MAP3K13: variants seen among roughly 807,000 people sequenced by gnomAD.
The protein encoded by MAP3K13 is leucine zipper-bearing kinase.
Under a neutral mutation model 104.0 loss-of-function variants are expected in MAP3K13, and 52 were observed. The ratio of observed to expected loss-of-function variants is 0.50; its 90% CI spans 0.40 to 0.63. The LOEUF (loss-of-function observed/expected upper bound fraction) is 0.63. Ranked by LOEUF, MAP3K13 falls within the 20% of genes least tolerant of loss-of-function variation. The pLI, the probability that MAP3K13 is intolerant of heterozygous loss-of-function variation, is 0.00. For missense variants in MAP3K13, 914 were observed against 1,218.5 expected (o/e 0.75, Z 3.72); for synonymous variants, 394 against 442.2 (o/e 0.89, Z 1.37).
chr3:185,477,908 G>C (rs1347823581), intron 12 of MAP3K13, among the ~76,000 whole-genome samples: 2 of 152,168 alleles, frequency 1.3e-5, no homozygotes. Flanking sequence ...ATGGCAGAGA[G>C]AGCTCTTCCT....
At chr3:185,317,532 G>A (rs1057202674) in intron 2 of MAP3K13, among the ~76,000 whole-genome samples, 11 of 152,144 alleles carry the variant, frequency 7.2e-5, no homozygotes, top group African/African-American at 2.7e-4. Flanking sequence ...CTTTTAGGTA[G>A]TTATACTAAG....
At position 185,407,819 on chromosome 3, in the gene MAP3K13, T is replaced by C. The variant is rs1310731119; in HGVS notation, c.-85-20678T>C. 2.6e-5 allele frequency among the ~76,000 whole-genome samples: 4 copies of C among 152,084 alleles called. No homozygotes were observed. The East Asian group carries it at 7.7e-4, about 29-fold the overall frequency. ...TTCATATAAATGGAATTATACAATA[T>C]GTAGCCTTTTGTCTTTGCTCATTTT... On this transcript the variant is annotated intron_variant, in intron 1 of 13. Transcript: ENST00000265026.
chr3:185,461,843 A>T (rs192488617), intron 7 of MAP3K13, among the ~76,000 whole-genome samples: 63 of 152,222 alleles, frequency 4.1e-4, no homozygotes, highest in Non-Finnish European at 8.2e-4. Context: ...AATTCCAGGC[A>T]TGAGCCACCA....
At chr3:185,449,112 C>T (rs1715746853) in intron 5 of MAP3K13, among the ~76,000 whole-genome samples, 2 of 152,220 alleles carry the variant, frequency 1.3e-5, no homozygotes, top group South Asian at 2.1e-4. Context: ...TGGCTCACAC[C>T]TGTAATTCCA....
intron 2 of MAP3K13, among the ~76,000 whole-genome samples, chr3:185,344,883 A>T (rs1297993076): frequency 2.0e-5 from 3 of 149,292 alleles, no homozygotes; most frequent in African/African-American, 5.0e-5. Context: ...TAATCTCATA[A>T]TTTATTTTTT....
At chr3:185,400,905 G>GTTTTTTTTTTTTTT (rs71164506) in intron 1 of MAP3K13, among the ~76,000 whole-genome samples, 62 of 107,242 alleles carry the variant, frequency 5.8e-4, no homozygotes, top group Non-Finnish European at 7.5e-4. Context: ...GTGTTTGTTT[G>GTTTTTTTTTTTTTT]TTTTTTTTTT....
At chr3:185,405,093 C>G (rs1377522483) in intron 1 of MAP3K13, among the ~76,000 whole-genome samples, 1 of 151,932 alleles carries the variant, frequency 6.6e-6, no homozygotes, top group East Asian at 1.9e-4. Context: ...TTTTTTTGCT[C>G]TAAGGCCAGC....
At chr3:185,378,796 C>A (rs1724563923) in intron 1 of MAP3K13, among the ~76,000 whole-genome samples, 1 of 152,082 alleles carries the variant, frequency 6.6e-6, no homozygotes, top group South Asian at 2.1e-4. Context: ...GCACCTCAGA[C>A]CATTTGCCCA....
In MAP3K13 at chr3:185,483,729, T is replaced by TG. The variant is rs1718593844; in HGVS notation, c.*1273_*1274insG. ...AGAAGTTCTTTTTTTTTTTTTTTTT[T>TG]TTGACAGAGTTTTGCTCTTTTTGCC... is the stretch of plus-strand genomic sequence containing the variant. On this transcript the variant is annotated 3_prime_UTR_variant, in exon 14 of 14. Transcript: ENST00000265026. The TG allele has an allele frequency of 1.9e-4, 9 of 48,072 alleles. No homozygotes were observed. Among genetic ancestry groups the TG allele is most frequent in the East Asian group, 5.2e-4 (2 of 3,812 alleles). 3.0% of individuals were successfully genotyped at this position (48,072 alleles called of 1,614,324 possible). A position where few individuals can be genotyped will look rare whatever the true frequency, so the allele number is the denominator to read the frequency against.
chr3:185,351,702 T>G (rs1313265480), intron 2 of MAP3K13, among the ~76,000 whole-genome samples: 1 of 152,244 alleles, frequency 6.6e-6, no homozygotes, highest in African/African-American at 2.4e-5. Flanking sequence ...AGCAATCATT[T>G]ACTTATCTCA....
At chr3:185,451,505 T>A in intron 7 of MAP3K13, 110 bp downstream of exon 7, 2 of 703,506 alleles carry the variant, frequency 2.8e-6, no homozygotes, top group East Asian at 5.1e-5. Flanking sequence ...GTTATATAAC[T>A]CCATTCATTG....
intron 1 of MAP3K13, among the ~76,000 whole-genome samples, chr3:185,369,693 T>C (rs1364378941): frequency 6.6e-6 from 1 of 152,228 alleles, no homozygotes; most frequent in Non-Finnish European, 1.5e-5. Flanking sequence ...TAAATTTCTT[T>C]TGCTTTTAAA....
At chr3:185,472,706 GTGCCTCA>G (rs1717875982) in intron 10 of MAP3K13, among the ~76,000 whole-genome samples, 1 of 152,114 alleles carries the variant, frequency 6.6e-6, no homozygotes, top group Non-Finnish European at 1.5e-5. Flanking sequence ...ATTGTTCTTA[GTGCCTCA>G]ATCTAGATCG....
At position 185,455,405 on chromosome 3, in the gene MAP3K13, T is replaced by G. The variant is rs1395782621; in HGVS notation, c.1278+4010T>G. 2.3e-5 allele frequency among the ~76,000 whole-genome samples: 2 copies of G among 85,138 alleles called. 1 individual carries two copies. The highest frequency in any genetic ancestry group is 4.5e-5 in the Non-Finnish European group (2 of 44,750). The allele number at this position is 85,138 out of a possible 152,430, so 55.9% of individuals were successfully genotyped here. A position where few individuals can be genotyped will look rare whatever the true frequency, so the allele number is the denominator to read the frequency against. ...TGATATATATATCATATATGAGATA[T>G]ATATATGAGATATATATGATATATA... On this transcript the variant is annotated intron_variant, in intron 7 of 13. Transcript: ENST00000265026.
intron 5 of MAP3K13, 54 bp downstream of exon 5, chr3:185,448,001 T>C (rs1392503281): frequency 1.9e-6 from 3 of 1,540,762 alleles, no homozygotes; most frequent in Non-Finnish European, 1.8e-6. Context: ...ACTTTCGCCC[T>C]ATTAGCACTG....
chr3:185,306,231 T>C (rs1721285602), intron 2 of MAP3K13, among the ~76,000 whole-genome samples: 1 of 152,250 alleles, frequency 6.6e-6, no homozygotes, highest in African/African-American at 2.4e-5. Flanking sequence ...TGAATAGTGC[T>C]GTGATGTACA....
At chr3:185,445,026 T>C (rs996579283) in intron 4 of MAP3K13, among the ~76,000 whole-genome samples, 9 of 47,964 alleles carry the variant, frequency 1.9e-4, no homozygotes, top group African/African-American at 2.9e-4. Context: ...TTATTGTATA[T>C]ACACACACAC....
intron 2 of MAP3K13, among the ~76,000 whole-genome samples, chr3:185,332,827 T>C (rs570071915): frequency 7.7e-4 from 117 of 152,374 alleles, no homozygotes; most frequent in Non-Finnish European, 1.4e-3. Context: ...CTCTTGGCTA[T>C]TGCGAATAAG....
At chr3:185,399,734 A>C (rs1577510492) in intron 1 of MAP3K13, among the ~76,000 whole-genome samples, 1 of 145,414 alleles carries the variant, frequency 6.9e-6, no homozygotes, top group East Asian at 2.1e-4. Flanking sequence ...CTCTCTAACA[A>C]TATTTGTAGT....
Sources: gnomAD v4.1 joint callset for allele counts (sites outside exome capture counted in the v4.1 genomes callset) on GRCh38, gnomAD v4.1.1 for gene constraint, MANE v1.5 for transcripts, NCBI Gene and HGNC (gene_info 2026-07-23, HGNC 2026-07-21) for gene names.